Variants in TMEM37 observed in about 807,000 individuals in gnomAD.
The protein encoded by TMEM37 is transmembrane protein 37.
TMEM37 carries 12 observed loss-of-function variants against 11.0 expected under a neutral mutation model. The observed-to-expected ratio is 1.09, with a 90% CI of 0.70 to 1.76. The LOEUF (loss-of-function observed/expected upper bound fraction) is 1.76, where lower values mean the gene tolerates loss of function less well. Among genes scored for constraint, TMEM37 ranks in the 40% most tolerant of loss-of-function variants. TMEM37 has a pLI of 0.00. For missense variants in TMEM37, 203 were observed against 251.2 expected, an observed-to-expected ratio of 0.81 and a Z score of 1.30; for synonymous variants, 127 against 110.5, an observed-to-expected ratio of 1.15 and a Z score of -0.94.
chr2:119,431,311 A>T (rs1443240603), upstream of TMEM37, among the ~76,000 whole-genome samples: 1 of 152,110 alleles, frequency 6.6e-6, no homozygotes, highest in Admixed American at 6.5e-5. Flanking sequence ...AAAAAGTTCC[A>T]CTCCGTTCAC....
chr2:119,429,905 C>T (rs897213655), upstream of TMEM37: 1 of 1,549,566 alleles, frequency 6.5e-7, no homozygotes, highest in Admixed American at 2.0e-5. Flanking sequence ...ACACACGAAA[C>T]TGGAGAAGGC....
rs769822936 is a variant in TMEM37, at chr2:119,437,634, C to T, written c.*194C>T. 1.5e-6 allele frequency: 1 copy of T among 684,638 alleles called. No individual in the cohort carries two copies. The highest frequency in any genetic ancestry group is 2.4e-6 in the Non-Finnish European group (1 of 414,898). The allele number at this position is 684,638 out of a possible 1,614,324, so 42.4% of individuals were successfully genotyped here. A position where few individuals can be genotyped will look rare whatever the true frequency, so the allele number is the denominator to read the frequency against. On this transcript the variant is annotated 3_prime_UTR_variant, in exon 2 of 2. Transcript: ENST00000306406. ...GGGCCTCTGCACCTGGTCTGCAGGG[C>T]CAGAGGCCAGGAGGGTGCCTCAGTG...
chr2:119,436,188 A>G (rs1452246815), intron 1 of TMEM37, among the ~76,000 whole-genome samples: 1 of 152,160 alleles, frequency 6.6e-6, no homozygotes, highest in Non-Finnish European at 1.5e-5. Context: ...CCAGGGCTGA[A>G]CCGGAAGTGG....
chr2:119,430,551 A>G (rs756234667), upstream of TMEM37: 59 of 423,330 alleles, frequency 1.4e-4, no homozygotes, highest in Admixed American at 4.8e-4. Flanking sequence ...GAATCAGATG[A>G]ATATCTAAGT....
intron 1 of TMEM37, among the ~76,000 whole-genome samples, chr2:119,432,985 G>A (rs1195664825): frequency 1.3e-5 from 2 of 152,214 alleles, no homozygotes; most frequent in Non-Finnish European, 2.9e-5. Context: ...GGCATGGGGC[G>A]CAGGGAATTC....
upstream of TMEM37, chr2:119,429,987 AGATGCTAT>A: frequency 6.5e-7 from 1 of 1,550,302 alleles, no homozygotes. Flanking sequence ...TGGCCAGGTG[AGATGCTAT>A]GATCCAGAAT....
intron 1 of TMEM37, among the ~76,000 whole-genome samples, 156 bp from the exon 2 acceptor site, chr2:119,436,733 A>C (rs1188330205): frequency 6.6e-6 from 1 of 152,138 alleles, no homozygotes; most frequent in African/African-American, 2.4e-5. Flanking sequence ...GTTCCCCCCA[A>C]ACGGTGGGTC....
Position 119,437,311 on chromosome 2 carries a change from C to T in TMEM37, c.444C>T (p.Leu148=). Residue 148 remains leucine (L), a synonymous_variant, in exon 2 of 2, where the codon CTC becomes CTT. Coordinates refer to ENST00000306406, the MANE Select transcript of TMEM37 (RefSeq NM_183240.3). ...GCGGGCTCCTGGGTTTTGTGATCCTCCTCAGGAACCAAGTCACACTCATCG... is the reference window on the plus strand; with the variant it reads ...GCGGGCTCCTGGGTTTTGTGATCCTTCTCAGGAACCAAGTCACACTCATCG... ...SSGGLLGFVI[L]LRNQVTLIGF... 1 of 1,614,240 alleles carries T rather than the reference C, an allele frequency of 6.2e-7. No homozygotes were observed. Among genetic ancestry groups the T allele is most frequent in the South Asian group, 1.1e-5 (1 of 91,082 alleles).
rs540092930 is a variant in TMEM37 at position 119,437,737 on chromosome 2, C to G, written c.*297C>G. ...ATTTTAAAACTCCTTCTTGAATTTT[C>G]TTCCCTGGACTGGAATACAGTTGGA... is the stretch of plus-strand genomic sequence containing the variant. On this transcript the variant is annotated 3_prime_UTR_variant, in exon 2 of 2. Transcript: ENST00000306406. 1.7e-5 allele frequency: 7 copies of G among 412,942 alleles called. No homozygotes were observed. In the South Asian group the frequency reaches 2.2e-4, roughly 13 times the overall value. The allele number at this position is 412,942 out of a possible 1,614,324, so 25.6% of individuals were successfully genotyped here.
At chr2:119,430,444 G>GGCCTGGGCCAAGCCTTCCTGT (rs763428004), upstream of TMEM37, 1 of 473,422 alleles carries the variant, frequency 2.1e-6, no homozygotes, top group East Asian at 6.9e-5. Flanking sequence ...CAATGTGGGT[G>GGCCTGGGCCAAGCCTTCCTGT]GCCTGGGCCA....
chr2:119,437,493 G>A lies in TMEM37; in HGVS notation c.*53G>A. The A allele has an allele frequency of 6.4e-7, 1 of 1,559,302 alleles. No individual in the cohort carries two copies. The highest frequency in any genetic ancestry group is 8.7e-7 in the Non-Finnish European group (1 of 1,153,988). On this transcript the variant is annotated 3_prime_UTR_variant, in exon 2 of 2. Transcript: ENST00000306406. The stretch of plus-strand genomic sequence containing the variant: ...GACATCAGATTCCACAAGAAAATAT[G>A]GTCAAAATGGGACTTTTCCAGCATG...
intron 1 of TMEM37, chr2:119,432,282 GA>G (rs941693389): frequency 1.8e-5 from 4 of 227,614 alleles, no homozygotes; most frequent in African/African-American, 6.8e-5. Context: ...CCCTTTGTGA[GA>G]AATGAGGCGC....
chr2:119,431,460 C>T (rs1291030179), upstream of TMEM37, among the ~76,000 whole-genome samples: 1 of 152,256 alleles, frequency 6.6e-6, no homozygotes, highest in Non-Finnish European at 1.5e-5. Flanking sequence ...CTGCCTCCTC[C>T]CTTCGGACCC....
chr2:119,434,058 G>T (rs911306578), intron 1 of TMEM37, among the ~76,000 whole-genome samples: 2 of 152,108 alleles, frequency 1.3e-5, no homozygotes, highest in Admixed American at 1.3e-4. Flanking sequence ...AACTAGATGA[G>T]GTCAGCTGTC....
chr2:119,432,195 C>T (rs1213863664), intron 1 of TMEM37: 1 of 361,982 alleles, frequency 2.8e-6, no homozygotes, highest in Non-Finnish European at 4.9e-6. Flanking sequence ...ACCCGAGGCT[C>T]CCAAACTTCA....
chr2:119,432,300 G>C, intron 1 of TMEM37: 1 of 204,666 alleles, frequency 4.9e-6, no homozygotes, highest in Non-Finnish European at 9.7e-6. Context: ...GCGCGTCTGG[G>C]GTGGAGGGAC....
At chr2:119,431,000 T>A (rs1682381797), upstream of TMEM37, among the ~76,000 whole-genome samples, 1 of 152,124 alleles carries the variant, frequency 6.6e-6, no homozygotes, top group South Asian at 2.1e-4. Flanking sequence ...TTAGCAGGGC[T>A]TGATGGGGCG....
chr2:119,434,575 C>T (rs1207702393), intron 1 of TMEM37, among the ~76,000 whole-genome samples: 2 of 152,066 alleles, frequency 1.3e-5, no homozygotes, highest in Non-Finnish European at 2.9e-5. Context: ...CTCAGCTTCC[C>T]TGCCCACCCG....
At chr2:119,430,802 C>T (rs113435754), upstream of TMEM37, among the ~76,000 whole-genome samples, 5,639 of 152,272 alleles carry the variant, frequency 0.037, 158 homozygotes, top group Non-Finnish European at 0.058. Flanking sequence ...CCCACCTCCA[C>T]CCTTTTTGGC....
Sources: gnomAD v4.1 joint callset for allele counts (sites outside exome capture counted in the v4.1 genomes callset) on GRCh38, gnomAD v4.1.1 for gene constraint, MANE v1.5 for transcripts, NCBI Gene and HGNC (gene_info 2026-07-23, HGNC 2026-07-21) for gene names.